Variants in KIDINS220 observed in about 807,000 individuals in gnomAD.
KIDINS220 encodes kinase D interacting substrate 220, also known as kinase D-interacting substrate of 220 kDa.
KIDINS220 carries 63 observed loss-of-function variants against 157.6 expected under a neutral mutation model. That is an observed-to-expected ratio of 0.40 (90% CI 0.33 to 0.49). KIDINS220 has a LOEUF of 0.49. Among genes scored for constraint, KIDINS220 ranks in the 20% least tolerant of loss-of-function variants. The probability of loss-of-function intolerance (pLI) is 0.66; values close to 1 mark genes in which losing one functional copy is unlikely to be tolerated. For synonymous variants in KIDINS220, 732 were observed against 783.6 expected (o/e 0.93, Z 1.10); for missense variants, 1,772 against 2,171.2 (o/e 0.82, Z 3.65).
chr2:8,836,104 T>G (rs929754006), intron 1 of KIDINS220, among the ~76,000 whole-genome samples: 1 of 151,988 alleles, frequency 6.6e-6, no homozygotes, highest in Admixed American at 6.5e-5. Flanking sequence ...AGAGATATTC[T>G]GGATATAAAG....
At chr2:8,822,992 T>C (rs1193092478) in intron 2 of KIDINS220, among the ~76,000 whole-genome samples, 1 of 152,200 alleles carries the variant, frequency 6.6e-6, no homozygotes, top group Non-Finnish European at 1.5e-5. Context: ...TTATATTTTT[T>C]AGAGATAGGG....
chr2:8,788,164 A>G (rs1252478127), intron 15 of KIDINS220, among the ~76,000 whole-genome samples: 1 of 152,168 alleles, frequency 6.6e-6, no homozygotes, highest in Non-Finnish European at 1.5e-5. Flanking sequence ...AGGGATATAT[A>G]ATCTGAAGTG....
At chr2:8,803,150 C>T (rs752249281) in intron 7 of KIDINS220, 23 bp from the exon 8 acceptor site, 2 of 1,551,810 alleles carry the variant, frequency 1.3e-6, no homozygotes, top group Non-Finnish European at 1.8e-6. Context: ...ACAACAAAAA[C>T]AAAACAAAAC....
Position 8,729,764 on chromosome 2 carries a change from C to A in KIDINS220, c.*956G>T. 2.0e-6 allele frequency: 2 copies of A among 982,740 alleles called. No individual in the cohort carries two copies. Among genetic ancestry groups the A allele is most frequent in the Non-Finnish European group, 2.4e-6 (2 of 827,522 alleles). 60.9% of individuals were successfully genotyped at this position (982,740 alleles called of 1,614,324 possible). A position where few individuals can be genotyped will look rare whatever the true frequency, so the allele number is the denominator to read the frequency against. On this transcript the variant is annotated 3_prime_UTR_variant, in exon 30 of 30. Coordinates refer to ENST00000256707, the MANE Select transcript of KIDINS220 (RefSeq NM_020738.4). ...TTAGTTTTACCTAATTAAATATTTC[C>A]TTGTCATTTATCAATTGTCACTGAC...
At chr2:8,772,116 C>A (rs1670315954) in intron 21 of KIDINS220, among the ~76,000 whole-genome samples, 1 of 152,050 alleles carries the variant, frequency 6.6e-6, no homozygotes, top group Admixed American at 6.6e-5. Context: ...AGCAAATGCA[C>A]CATGCATGCA....
rs200772031 is a variant in KIDINS220, at chr2:8,731,321, T to C, written c.4715A>G (p.Tyr1572Cys). The C allele has an allele frequency of 5.0e-6, 8 of 1,614,178 alleles. No homozygotes were observed. The highest frequency in any genetic ancestry group is 8.5e-7 in the Non-Finnish European group (1 of 1,180,034). ...TTTGTCAAGGAGCGCATCCGATAAA[T>C]ACTCTTTGGCTTTAATGAAGGTTCT... is the stretch of plus-strand genomic sequence containing the variant. ...PIRTFIKAKE[Y>C]LSDALLDKKD... The change falls in exon 30 of 30, where the codon TAT becomes TGT. Residue 1572 changes from tyrosine to cysteine, a missense_variant. By Grantham distance (194) the Tyr-to-Cys change is radical. Coordinates refer to ENST00000256707, the MANE Select transcript of KIDINS220 (RefSeq NM_020738.4). The surrounding 1 kb of genome is among the most constrained non-coding windows in gnomAD (Gnocchi z 5.2).
downstream of KIDINS220, chr2:8,726,979 T>C: frequency 8.0e-7 from 1 of 1,242,636 alleles, no homozygotes; most frequent in Non-Finnish European, 1.1e-6. Context: ...TGTAAGATTG[T>C]AAATTCTCTA....
rs752870305 is a variant in KIDINS220 at position 8,796,000 on chromosome 2, GC to G, written c.1098+770del. 6.6e-5 allele frequency among the ~76,000 whole-genome samples: 10 copies of G among 152,194 alleles called. No homozygotes were observed. In the East Asian group the frequency reaches 1.7e-3, roughly 26 times the overall value. ...AACATGGTAATGACAGGGGGGAGGTGCTTTTATGTTTTAAAATAATGTTGTA... is the reference window on the plus strand; with the variant it reads ...AACATGGTAATGACAGGGGGGAGGTGTTTTATGTTTTAAAATAATGTTGTA... On this transcript the variant is annotated intron_variant, in intron 11 of 29. Coordinates refer to ENST00000256707, the MANE Select transcript of KIDINS220 (RefSeq NM_020738.4).
chr2:8,807,457 C>T (rs1417135971), intron 6 of KIDINS220, among the ~76,000 whole-genome samples: 1 of 152,214 alleles, frequency 6.6e-6, no homozygotes, highest in Non-Finnish European at 1.5e-5. Flanking sequence ...CTGTGAGATA[C>T]AGTAGTCACT....
intron 26 of KIDINS220, among the ~76,000 whole-genome samples, chr2:8,739,929 T>C (rs1275774534): frequency 1.3e-5 from 2 of 152,240 alleles, no homozygotes; most frequent in Non-Finnish European, 2.9e-5. Context: ...GTATTGTAAG[T>C]AGATTAGAAC....
chr2:8,813,147 C>A, intron 5 of KIDINS220, 90 bp downstream of exon 5: 1 of 710,018 alleles, frequency 1.4e-6, no homozygotes. Context: ...ATATTTCTAC[C>A]CACCACGAAG....
chr2:8,750,296 A>G lies in KIDINS220; in HGVS notation c.3230T>C (p.Leu1077Pro), dbSNP rs1023750500. The change falls in exon 24 of 30, where the codon CTG becomes CCG. Residue 1077 changes from leucine (L) to proline (P), a missense_variant. Transcript: ENST00000256707. ...AAREQISIGG[L>P]AYPPLPLHEG... ...ATGTAGAGGGAGCGGGGGGTACGCC[A>G]GTCCTCCAATACTGATCTGCTCTCT... is the stretch of plus-strand genomic sequence containing the variant. The G allele has an allele frequency of 6.2e-7, 1 of 1,612,312 alleles. No individual in the cohort carries two copies. The highest frequency in any genetic ancestry group is 8.5e-7 in the Non-Finnish European group (1 of 1,179,152).
intron 2 of KIDINS220, among the ~76,000 whole-genome samples, chr2:8,826,347 G>T (rs554992504): frequency 6.6e-6 from 1 of 152,034 alleles, no homozygotes; most frequent in Non-Finnish European, 1.5e-5. Flanking sequence ...GGTGGCTCAC[G>T]ATTGTAATCC....
intron 26 of KIDINS220, chr2:8,746,858 C>G: frequency 2.8e-6 from 1 of 363,130 alleles, no homozygotes; most frequent in Non-Finnish European, 5.0e-6. Flanking sequence ...AACGGAACAC[C>G]CCTGACAGCT....
chr2:8,751,524 T>A lies in KIDINS220; in HGVS notation c.3132A>T (p.Val1044=). Residue 1044 remains valine (V), a synonymous_variant, in exon 23 of 30, where the codon GTA becomes GTT. Transcript: ENST00000256707. ...TTACAGTGCATGGCAAAAAGACTTT[T>A]ACATCTCGAGCCACAAGAACTGGGG... ...SRTPVLVARD[V]KVFLPCTVNL... is the part of the protein sequence containing the mutation. 6.2e-7 allele frequency: 1 copy of A among 1,613,746 alleles called. No homozygotes were observed. Among genetic ancestry groups the A allele is most frequent in the Non-Finnish European group, 8.5e-7 (1 of 1,179,880 alleles).
intron 21 of KIDINS220, among the ~76,000 whole-genome samples, chr2:8,772,305 G>A (rs1046841346): frequency 9.9e-5 from 15 of 152,032 alleles, no homozygotes; most frequent in African/African-American, 2.9e-4. Flanking sequence ...GTGAAACCCC[G>A]CCTCTACTGA....
At chr2:8,740,324 A>G (rs1558319885) in intron 26 of KIDINS220, 3 of 209,500 alleles carry the variant, frequency 1.4e-5, no homozygotes, top group Non-Finnish European at 2.5e-5. Flanking sequence ...CACGGACAAC[A>G]GCACACAGCA....
At chr2:8,769,382 A>G (rs1669885882) in intron 22 of KIDINS220, among the ~76,000 whole-genome samples, 1 of 152,226 alleles carries the variant, frequency 6.6e-6, no homozygotes, top group South Asian at 2.1e-4. Context: ...AAGCAGCCAC[A>G]AATTCCTTCC....
At chr2:8,787,014 C>T (rs1485470553) in intron 15 of KIDINS220, among the ~76,000 whole-genome samples, 2 of 151,964 alleles carry the variant, frequency 1.3e-5, no homozygotes, top group Non-Finnish European at 2.9e-5. Context: ...ATTAAACTCT[C>T]ATCTCAGTCC....
Sources: gnomAD v4.1 joint callset for allele counts (sites outside exome capture counted in the v4.1 genomes callset) on GRCh38, gnomAD v4.1.1 for gene constraint, Gnocchi (gnomAD v3.1) non-coding constraint, MANE v1.5 for transcripts, NCBI Gene and HGNC (gene_info 2026-07-23, HGNC 2026-07-21) for gene names.